NTAQ1: variants seen among roughly 807,000 people sequenced by gnomAD.
NTAQ1 encodes the protein N-terminal glutamine amidase 1, also known as protein N-terminal glutamine amidohydrolase.
Under a neutral mutation model 28.2 loss-of-function variants are expected in NTAQ1, and 21 were observed. The ratio of observed to expected loss-of-function variants is 0.74; its 90% CI spans 0.53 to 1.07. The LOEUF is 1.07. Among genes scored for constraint, NTAQ1 ranks in the 50% least tolerant of loss-of-function variants. The pLI is 0.00. For missense variants in NTAQ1, 264 were observed against 256.6 expected (o/e 1.03, Z -0.20); for synonymous variants, 105 against 90.0 (o/e 1.17, Z -0.94).
At position 123,429,807 on chromosome 8, in the gene NTAQ1, G is replaced by A. The variant is rs1814282416; in HGVS notation, c.184-176G>A. On this transcript the variant is annotated intron_variant, in intron 2 of 5. Transcript: ENST00000287387. ...AGGCAGGAGAATTGCTTGAACCCGG[G>A]AGGTGGAGGTTGCAGTAAGCCCAGA... Among the ~76,000 whole-genome samples the A allele has an allele frequency of 2.0e-5, 3 of 150,818 alleles. No individual in the cohort carries two copies. In the South Asian group the frequency reaches 6.3e-4, roughly 31 times the overall value.
downstream of NTAQ1, among the ~76,000 whole-genome samples, chr8:123,449,951 A>ATGTGTG (rs1563902023): frequency 4.6e-4 from 6 of 13,176 alleles, 2 homozygotes; most frequent in Admixed American, 3.0e-3. Flanking sequence ...GTGTGTGTGC[A>ATGTGTG]TATATATATA....
downstream of NTAQ1, among the ~76,000 whole-genome samples, chr8:123,446,129 G>T (rs551795117): frequency 6.6e-6 from 1 of 152,110 alleles, no homozygotes; most frequent in African/African-American, 2.4e-5. Flanking sequence ...GAGTAGCTGG[G>T]ATTACAGGTG....
upstream of NTAQ1, chr8:123,416,769 G>C: frequency 7.6e-7 from 1 of 1,313,778 alleles, no homozygotes; most frequent in Non-Finnish European, 9.9e-7. Context: ...GAACCCACGC[G>C]GGCCACTACA....
At chr8:123,417,746 T>G (rs529615759) in intron 1 of NTAQ1, among the ~76,000 whole-genome samples, 1 of 152,240 alleles carries the variant, frequency 6.6e-6, no homozygotes, top group African/African-American at 2.4e-5. Context: ...GCTTAACATT[T>G]GTTCGGCCCT....
chr8:123,417,644 TC>T (rs1190729477), intron 1 of NTAQ1, among the ~76,000 whole-genome samples: 1 of 152,100 alleles, frequency 6.6e-6, no homozygotes, highest in Non-Finnish European at 1.5e-5. Flanking sequence ...AATGGCTTCT[TC>T]CCCAGCTTCT....
intron 1 of NTAQ1, among the ~76,000 whole-genome samples, chr8:123,421,187 T>C (rs11994885): frequency 0.36 from 54,103 of 150,938 alleles, 9,640 homozygotes; most frequent in East Asian, 0.55. Context: ...GTCAATCAAT[T>C]CTCCCACTTC....
intron 6 of NTAQ1, among the ~76,000 whole-genome samples, chr8:123,460,636 G>A (rs1815795743): frequency 6.6e-6 from 1 of 152,206 alleles, no homozygotes. Context: ...AGCGGTCAGG[G>A]TAAGCTCTTC....
chr8:123,429,994 G>C lies in NTAQ1; in HGVS notation c.195G>C (p.Trp65Cys), dbSNP rs1376071335. Residue 65 changes from tryptophan (W) to cysteine (C), a missense_variant, in exon 3 of 6, where the codon TGG (tryptophan) becomes TGC (cysteine). Trp to Cys is a radical substitution (Grantham distance 215). Transcript: ENST00000287387. ...ISNERKMIPI[W>C]KQQARPGDGP... is the part of the protein sequence containing the mutation. ...ATTGTATTTTGTAGATACCTATCTG[G>C]AAACAACAGGCGAGACCTGGAGATG... 6.2e-7 allele frequency: 1 copy of C among 1,612,772 alleles called. No homozygotes were observed.
At chr8:123,473,381 C>T (rs1000531525), downstream of NTAQ1, among the ~76,000 whole-genome samples, 6 of 151,636 alleles carry the variant, frequency 4.0e-5, no homozygotes, top group East Asian at 1.9e-4. Flanking sequence ...CTGCAACTTC[C>T]GTGCCCTGGG....
At position 123,436,607 on chromosome 8, in the gene NTAQ1, G is replaced by A. The variant is rs748545058; in HGVS notation, c.383+6G>A. 3.1e-6 allele frequency: 5 copies of A among 1,609,184 alleles called. No homozygotes were observed. The South Asian group carries it at 3.4e-5, about 11-fold the overall frequency. On this transcript the variant is annotated splice_donor_region_variant and intron_variant, in intron 4 of 5. Coordinates refer to ENST00000287387, the MANE Select transcript of NTAQ1 (RefSeq NM_018024.3). ...ATTCACCCACAGTTTAGGAGGTGAG[G>A]ACATTCAAGATGGATTTACTTATTT...
intron 1 of NTAQ1, among the ~76,000 whole-genome samples, chr8:123,421,882 C>T (rs887027683): frequency 6.6e-6 from 1 of 151,850 alleles, no homozygotes; most frequent in Non-Finnish European, 1.5e-5. Flanking sequence ...TTAGTAGAGA[C>T]AGGGTTTCAC....
At chr8:123,444,613 T>C (rs552052644), downstream of NTAQ1, among the ~76,000 whole-genome samples, 750 of 152,312 alleles carry the variant, frequency 4.9e-3, 6 homozygotes, top group African/African-American at 0.016. Context: ...TTCACGCCAT[T>C]CTCCTGCCTC....
At position 123,418,268 on chromosome 8, in the gene NTAQ1, T is replaced by G. The variant is rs185997967; in HGVS notation, c.83+1336T>G. ...GAGTCTGAGACCAGCCTGGCCGACA[T>G]GCAGAAACCCTGCCTCTACTAAAAA... On this transcript the variant is annotated intron_variant, in intron 1 of 5. Transcript: ENST00000287387. 4.7e-3 allele frequency among the ~76,000 whole-genome samples: 713 copies of G among 152,180 alleles called. 6 individuals carry two copies. Among genetic ancestry groups the G allele is most frequent in the Middle Eastern group, 0.027 (8 of 294 alleles).
chr8:123,473,566 T>C (rs1230768865), downstream of NTAQ1, among the ~76,000 whole-genome samples: 2 of 152,230 alleles, frequency 1.3e-5, no homozygotes, highest in Non-Finnish European at 2.9e-5. Context: ...GCTGGGATTA[T>C]AGGCATGAGC....
intron 1 of NTAQ1, among the ~76,000 whole-genome samples, chr8:123,424,939 T>A (rs529096058): frequency 6.6e-6 from 1 of 152,306 alleles, no homozygotes; most frequent in East Asian, 1.9e-4. Context: ...TTGTACATTA[T>A]AAGCTCTTGA....
exon 7 of NTAQ1, among the ~76,000 whole-genome samples, chr8:123,468,279 T>G (rs1193708727): frequency 6.6e-6 from 1 of 152,184 alleles, no homozygotes; most frequent in Non-Finnish European, 1.5e-5. Context: ...TGTACAGTAG[T>G]GTTAAGTATA....
At chr8:123,419,081 G>GTTTTTTTT (rs762479894) in intron 1 of NTAQ1, among the ~76,000 whole-genome samples, 8 of 119,932 alleles carry the variant, frequency 6.7e-5, no homozygotes, top group African/African-American at 1.0e-4. Flanking sequence ...AGCTTTGGGG[G>GTTTTTTTT]TTTTTTTTTT....
intron 3 of NTAQ1, among the ~76,000 whole-genome samples, chr8:123,435,262 G>T (rs1814635603): frequency 6.6e-6 from 1 of 152,174 alleles, no homozygotes. Context: ...GAGAGTGAGG[G>T]TGAGAATTAA....
chr8:123,427,132 C>G (rs1814105872), intron 1 of NTAQ1, among the ~76,000 whole-genome samples: 1 of 151,600 alleles, frequency 6.6e-6, no homozygotes, highest in Admixed American at 6.6e-5. Flanking sequence ...TGCCCCATTT[C>G]TAAAGAGAGC....
Sources: allele counts gnomAD v4.1 joint callset (sites outside exome capture counted in the v4.1 genomes callset), GRCh38; gene constraint gnomAD v4.1.1; transcripts MANE v1.5; gene names NCBI Gene and HGNC (gene_info 2026-07-23, HGNC 2026-07-21).